The following IFT20 variants were observed in gnomAD, a reference collection of about 807,000 sequenced individuals.
The protein encoded by IFT20 is intraflagellar transport 20, also known as intraflagellar transport protein 20 homolog.
A neutral mutation model predicts 16.9 loss-of-function variants in IFT20; 4 were observed. That is an observed-to-expected ratio of 0.24 (90% CI 0.12 to 0.54). The LOEUF is 0.54. IFT20 is among the 20% of genes least tolerant of loss of function. The probability of loss-of-function intolerance (pLI) is 0.95; values close to 1 mark genes in which losing one functional copy is unlikely to be tolerated. For synonymous variants in IFT20, 48 were observed against 49.9 expected, an observed-to-expected ratio of 0.96 and a Z score of 0.16; for missense variants, 154 against 149.7, an observed-to-expected ratio of 1.03 and a Z score of -0.15.
At chr17:28,330,975 C>A (rs1906737522) in intron 2 of IFT20, among the ~76,000 whole-genome samples, 3 of 152,218 alleles carry the variant, frequency 2.0e-5, no homozygotes, top group Admixed American at 6.5e-5. Context: ...ATTCTCCAGA[C>A]AGACCCCAAC....
chr17:28,330,130 G>A, intron 3 of IFT20: 1 of 621,238 alleles, frequency 1.6e-6, no homozygotes, highest in Middle Eastern at 4.2e-4. Flanking sequence ...CACCTACTCG[G>A]GAGGGTGAGG....
At chr17:28,332,334 A>G in intron 1 of IFT20, 1 of 867,700 alleles carries the variant, frequency 1.2e-6, no homozygotes, top group Non-Finnish European at 1.8e-6. Context: ...TGCTGGGGGT[A>G]CAAAGATGAA....
intron 1 of IFT20, among the ~76,000 whole-genome samples, chr17:28,333,082 C>CAA (rs1906898790): frequency 7.0e-6 from 1 of 142,976 alleles, no homozygotes; most frequent in Non-Finnish European, 1.5e-5. Flanking sequence ...AACACACACA[C>CAA]ACACACACAC....
At chr17:28,333,879 C>T (rs1472040977) in intron 1 of IFT20, among the ~76,000 whole-genome samples, 1 of 151,940 alleles carries the variant, frequency 6.6e-6, no homozygotes, top group African/African-American at 2.4e-5. Flanking sequence ...TGCAGTGAGC[C>T]GTGTTCACAC....
chr17:28,329,634 G>C, intron 3 of IFT20: 1 of 181,654 alleles, frequency 5.5e-6, no homozygotes, highest in Non-Finnish European at 1.1e-5. Context: ...CTGATATGAA[G>C]ATGAAACGAG....
At position 28,328,646 on chromosome 17, in the gene IFT20, T is replaced by C; in HGVS notation, c.*6A>G. On this transcript the variant is annotated 3_prime_UTR_variant, in exon 5 of 5. Coordinates refer to ENST00000395418, the MANE Select transcript of IFT20 (RefSeq NM_001267776.2). ...GCCTTCCTACTATAAAAGCGAAATT[T>C]TCAGTTCATTTCTGAAAAATAAATT... The C allele has an allele frequency of 6.3e-7, 1 of 1,589,668 alleles. No homozygotes were observed. The highest frequency in any genetic ancestry group is 1.1e-5 in the South Asian group (1 of 87,148).
intron 2 of IFT20, 152 bp from the exon 3 acceptor site, chr17:28,330,680 G>GTA (rs2142369212): frequency 3.2e-6 from 2 of 623,544 alleles, no homozygotes; most frequent in Admixed American, 5.1e-5. Context: ...GAGAGCAACT[G>GTA]TAGTCCCAGC....
intron 1 of IFT20, chr17:28,332,499 T>A: frequency 3.1e-6 from 1 of 320,276 alleles, no homozygotes; most frequent in Non-Finnish European, 5.9e-6. Flanking sequence ...ACATGTGAAC[T>A]AAGTTGTAAG....
chr17:28,329,458 C>G (rs369322673), intron 3 of IFT20, 182 bp from the exon 4 acceptor site: 1 of 573,360 alleles, frequency 1.7e-6, no homozygotes. Flanking sequence ...GCCTCAAGAA[C>G]TAGACGGCAG....
intron 1 of IFT20, among the ~76,000 whole-genome samples, chr17:28,333,743 C>A (rs759233649): frequency 5.3e-5 from 8 of 152,150 alleles, no homozygotes; most frequent in Non-Finnish European, 1.0e-4. Flanking sequence ...CCAGCCTGGG[C>A]AATGTGGCAA....
intron 3 of IFT20, chr17:28,329,648 A>G: frequency 5.7e-6 from 1 of 174,694 alleles, no homozygotes. Flanking sequence ...AAACGAGGCC[A>G]GGTGTGGTGG....
intron 1 of IFT20, among the ~76,000 whole-genome samples, chr17:28,333,783 T>C (rs1555576946): frequency 2.0e-5 from 3 of 152,076 alleles, no homozygotes. Flanking sequence ...ATTTCTAAGA[T>C]AGCCAGACCT....
chr17:28,330,405 C>T (rs782564058), intron 3 of IFT20, 38 bp downstream of exon 3: 1 of 1,458,736 alleles, frequency 6.9e-7, no homozygotes. Context: ...AACTAGGGTC[C>T]CAGGCCAAGA....
chr17:28,331,011 G>A (rs1310509293), intron 2 of IFT20, among the ~76,000 whole-genome samples: 1 of 152,232 alleles, frequency 6.6e-6, no homozygotes, highest in Non-Finnish European at 1.5e-5. Context: ...GTGACAGGAA[G>A]CACTGTTGTT....
intron 1 of IFT20, 45 bp downstream of exon 1, chr17:28,335,295 C>G (rs1295228642): frequency 6.6e-6 from 1 of 152,236 alleles, no homozygotes; most frequent in Non-Finnish European, 1.5e-5. Context: ...TCAGGCTCCT[C>G]TCGCCCCTGG....
intron 1 of IFT20, among the ~76,000 whole-genome samples, chr17:28,334,335 G>A (rs1309668897): frequency 1.3e-5 from 2 of 152,258 alleles, no homozygotes; most frequent in African/African-American, 4.8e-5. Context: ...GGCATTGCAG[G>A]CAGAAGGAAA....
intron 4 of IFT20, 190 bp downstream of exon 4, chr17:28,328,983 A>G: frequency 3.2e-6 from 2 of 618,590 alleles, no homozygotes; most frequent in Admixed American, 3.3e-5. Flanking sequence ...GTGGTTTGAT[A>G]TTAACAAGTT....
chr17:28,329,771 CA>C, intron 3 of IFT20: 2 of 166,100 alleles, frequency 1.2e-5, no homozygotes, highest in South Asian at 1.9e-4. Flanking sequence ...ACTAAAAATA[CA>C]AAAAAATGGC....
At chr17:28,334,138 A>G (rs1269946313) in intron 1 of IFT20, among the ~76,000 whole-genome samples, 1 of 152,222 alleles carries the variant, frequency 6.6e-6, no homozygotes, top group Admixed American at 6.5e-5. Context: ...CAGATGGTAA[A>G]GAAATAATCA....
Sources: gnomAD v4.1 joint callset for allele counts (sites outside exome capture counted in the v4.1 genomes callset) on GRCh38, gnomAD v4.1.1 for gene constraint, MANE v1.5 for transcripts, NCBI Gene and HGNC (gene_info 2026-07-23, HGNC 2026-07-21) for gene names.